BRINP1: variants seen among roughly 807,000 people sequenced by gnomAD.
BRINP1 encodes the protein BMP/retinoic acid-inducible neural-specific protein 1.
A neutral mutation model predicts 72.9 loss-of-function variants in BRINP1; 17 were observed. That is an observed-to-expected ratio of 0.23 (90% CI 0.16 to 0.35). The LOEUF is 0.35. BRINP1 is among the 10% of genes least tolerant of loss of function. BRINP1 has a pLI of 1.00. For synonymous variants in BRINP1, 418 were observed against 378.5 expected, an observed-to-expected ratio of 1.10 and a Z score of -1.21; for missense variants, 850 against 1,001.6, an observed-to-expected ratio of 0.85 and a Z score of 2.04.
chr9:119,339,861 C>A (rs542774596), intron 1 of BRINP1, among the ~76,000 whole-genome samples: 1 of 152,176 alleles, frequency 6.6e-6, no homozygotes, highest in Non-Finnish European at 1.5e-5. Context: ...TACATGGCCC[C>A]AAAATCCTGG....
intron 6 of BRINP1, among the ~76,000 whole-genome samples, chr9:119,209,884 A>C (rs1829904300): frequency 6.6e-6 from 1 of 152,228 alleles, no homozygotes; most frequent in Admixed American, 6.5e-5. Flanking sequence ...TGTTGTTTGA[A>C]GTTGTATGGG....
At chr9:119,261,977 A>C (rs1399807970) in intron 2 of BRINP1, among the ~76,000 whole-genome samples, 2 of 152,026 alleles carry the variant, frequency 1.3e-5, no homozygotes, top group Non-Finnish European at 2.9e-5. Flanking sequence ...TCTCTTTTAC[A>C]ATATTGGACA....
intron 5 of BRINP1, among the ~76,000 whole-genome samples, chr9:119,223,063 C>T (rs1830057077): frequency 6.6e-6 from 1 of 152,006 alleles, no homozygotes; most frequent in Admixed American, 6.6e-5. Flanking sequence ...TATCTCTGTT[C>T]TCCAAGCATG....
intron 7 of BRINP1, among the ~76,000 whole-genome samples, chr9:119,197,778 T>C (rs960217447): frequency 2.6e-5 from 4 of 152,254 alleles, no homozygotes; most frequent in African/African-American, 9.6e-5. Flanking sequence ...CAAACCTGTT[T>C]ATGCCCGTTG....
chr9:119,366,995 A>G (rs1168555280), intron 1 of BRINP1, among the ~76,000 whole-genome samples: 1 of 151,754 alleles, frequency 6.6e-6, no homozygotes, highest in Non-Finnish European at 1.5e-5. Flanking sequence ...CCCCCTACCC[A>G]AGATAATCCA....
chr9:119,271,940 A>G (rs1011872099), intron 2 of BRINP1, among the ~76,000 whole-genome samples: 5 of 152,000 alleles, frequency 3.3e-5, no homozygotes, highest in African/African-American at 1.2e-4. Context: ...GCCTCAAGCA[A>G]TCTTCCTGCC....
rs1285412234 is a variant in BRINP1 at position 119,368,940 on chromosome 9, G to A, written c.-51+116C>T. 1.6e-5 allele frequency: 6 copies of A among 381,410 alleles called. No individual in the cohort carries two copies. Among genetic ancestry groups the A allele is most frequent in the Non-Finnish European group, 2.3e-5 (5 of 215,516 alleles). The allele number at this position is 381,410 out of a possible 1,614,324, so 23.6% of individuals were successfully genotyped here. On this transcript the variant is annotated intron_variant, in intron 1 of 7. Coordinates refer to ENST00000265922, the MANE Select transcript of BRINP1 (RefSeq NM_014618.3). This position sits in a 1 kb window ranked among gnomAD's most constrained non-coding sequence, Gnocchi z 4.7. ...GCGGCGGGGCGGCCAGGTGAAGAGC[G>A]GACAAGGGTGCCGGTAGGGGGAGGG...
At chr9:119,366,178 T>C (rs1304526863) in intron 1 of BRINP1, among the ~76,000 whole-genome samples, 2 of 152,124 alleles carry the variant, frequency 1.3e-5, no homozygotes, top group East Asian at 1.9e-4. Context: ...TGTGTGCACA[T>C]GTGTGTATAA....
intron 3 of BRINP1, among the ~76,000 whole-genome samples, chr9:119,247,129 C>T (rs1269691139): frequency 2.9e-4 from 44 of 152,090 alleles, no homozygotes; most frequent in Admixed American, 2.9e-3. Flanking sequence ...TTTTTTACCC[C>T]CAAGTGAAAT....
chr9:119,219,242 G>T (rs1830014019), intron 5 of BRINP1, among the ~76,000 whole-genome samples: 1 of 152,056 alleles, frequency 6.6e-6, no homozygotes, highest in Non-Finnish European at 1.5e-5. Flanking sequence ...ATGTTAGGTT[G>T]CCCCCCATTT....
chr9:119,167,510 A>G lies in BRINP1; in HGVS notation c.1860T>C (p.Arg620=), dbSNP rs1564206949. Residue 620 remains arginine, a synonymous_variant, in exon 8 of 8, where the codon CGT becomes CGC. Coordinates refer to ENST00000265922, the MANE Select transcript of BRINP1 (RefSeq NM_014618.3). This position sits in a 1 kb window ranked among gnomAD's most constrained non-coding sequence, Gnocchi z 4.3. ...GTAGGGTAGGTAGCCGAGTCCGACTACGTAGGTAGATGTGGACCGTCTCGA... is the reference window on the plus strand; with the variant it reads ...GTAGGGTAGGTAGCCGAGTCCGACTGCGTAGGTAGATGTGGACCGTCTCGA... ...TFFETVHIYL[R]SRTRLPTLLR... is the part of the protein sequence containing the mutation. 2 of 1,614,000 alleles carry G rather than the reference A, an allele frequency of 1.2e-6. No individual in the cohort carries two copies. The highest frequency in any genetic ancestry group is 1.3e-5 in the African/African-American group (1 of 74,906).
intron 7 of BRINP1, among the ~76,000 whole-genome samples, chr9:119,194,790 T>C (rs1427119555): frequency 6.6e-6 from 1 of 152,150 alleles, no homozygotes; most frequent in African/African-American, 2.4e-5. Context: ...CAGAACCCAC[T>C]GGTAAGAGCC....
chr9:119,305,404 T>C (rs147484968), intron 2 of BRINP1, among the ~76,000 whole-genome samples: 5 of 152,316 alleles, frequency 3.3e-5, no homozygotes, highest in African/African-American at 9.6e-5. Flanking sequence ...TTGAAATCCA[T>C]GTGCTATCTC....
intron 1 of BRINP1, 67 bp from the exon 2 acceptor site, chr9:119,313,472 A>G: frequency 7.1e-7 from 1 of 1,404,126 alleles, no homozygotes; most frequent in Non-Finnish European, 9.4e-7. Flanking sequence ...GGAGAGGGGA[A>G]GAGGAGTAAA....
chr9:119,177,062 C>T (rs1343004844), intron 7 of BRINP1, among the ~76,000 whole-genome samples: 2 of 152,152 alleles, frequency 1.3e-5, no homozygotes, highest in Admixed American at 6.5e-5. Flanking sequence ...CCTTCTTCTC[C>T]GAGCACCTAG....
chr9:119,206,094 A>C (rs1288634195), intron 7 of BRINP1, among the ~76,000 whole-genome samples: 2 of 152,136 alleles, frequency 1.3e-5, no homozygotes, highest in African/African-American at 2.4e-5. Context: ...GGTCAGCTCT[A>C]ATCCAATATA....
At chr9:119,276,177 C>T (rs938029341) in intron 2 of BRINP1, among the ~76,000 whole-genome samples, 4 of 152,094 alleles carry the variant, frequency 2.6e-5, no homozygotes, top group African/African-American at 9.7e-5. Flanking sequence ...GAATTGGATA[C>T]CTTCTTAAGT....
At position 119,317,023 on chromosome 9, in the gene BRINP1, G is replaced by C. The variant is rs761780193; in HGVS notation, c.-50-3618C>G. Among the ~76,000 whole-genome samples the C allele has an allele frequency of 2.2e-4, 33 of 151,810 alleles. 1 individual carries two copies. Among genetic ancestry groups the C allele is most frequent in the African/African-American group, 8.0e-4 (33 of 41,126 alleles). ...GGAGAATCGCTTGAACCCGGGAGGC[G>C]GAGGTCGCCGGGAACCAAGATCGCA... is the stretch of plus-strand genomic sequence containing the variant. On this transcript the variant is annotated intron_variant, in intron 1 of 7. Transcript: ENST00000265922.
intron 6 of BRINP1, among the ~76,000 whole-genome samples, chr9:119,211,403 G>C (rs1829926216): frequency 6.6e-6 from 1 of 152,042 alleles, no homozygotes. Context: ...CATCATATTG[G>C]TCAGGCTGGT....
Sources: gnomAD v4.1 joint callset for allele counts (sites outside exome capture counted in the v4.1 genomes callset) on GRCh38, gnomAD v4.1.1 for gene constraint, Gnocchi (gnomAD v3.1) non-coding constraint, MANE v1.5 for transcripts, NCBI Gene and HGNC (gene_info 2026-07-23, HGNC 2026-07-21) for gene names.